Variants in CNTNAP2 observed in about 807,000 individuals in gnomAD.
CNTNAP2 encodes contactin associated protein 2.
A neutral mutation model predicts 155.2 loss-of-function variants in CNTNAP2; 98 were observed. The observed-to-expected ratio is 0.63, with a 90% confidence interval of 0.54 to 0.75. The LOEUF is 0.75. CNTNAP2 is among the 30% of genes least tolerant of loss of function. CNTNAP2 has a pLI of 0.00. For synonymous variants in CNTNAP2, 651 were observed against 631.2 expected, an observed-to-expected ratio of 1.03 and a Z score of -0.47; for missense variants, 1,727 against 1,688.1, an observed-to-expected ratio of 1.02 and a Z score of -0.40.
At chr7:147,101,874 A>G (rs1017936917) in intron 4 of CNTNAP2, among the ~76,000 whole-genome samples, 2 of 152,164 alleles carry the variant, frequency 1.3e-5, no homozygotes, top group East Asian at 1.9e-4. Flanking sequence ...ACGGCAGGCC[A>G]GGGTGGTTTT....
chr7:146,761,822 C>A (rs556575586), intron 1 of CNTNAP2, among the ~76,000 whole-genome samples: 1 of 129,152 alleles, frequency 7.7e-6, no homozygotes, highest in East Asian at 2.1e-4. Context: ...GAAGGGGATA[C>A]AACTTCTTTA....
chr7:148,411,360 G>A (rs1799833537), intron 23 of CNTNAP2, among the ~76,000 whole-genome samples: 2 of 152,100 alleles, frequency 1.3e-5, no homozygotes, highest in Admixed American at 6.5e-5. Flanking sequence ...CTGCCTCCCG[G>A]GTTCAAGCGA....
intron 7 of CNTNAP2, among the ~76,000 whole-genome samples, chr7:147,131,210 A>ACATATACATATACCATACACATGTATAC (rs1801350474): frequency 6.6e-6 from 1 of 151,136 alleles, no homozygotes; most frequent in African/African-American, 2.4e-5. Flanking sequence ...TATACCATAT[A>ACATATACATATACCATACACATGTATAC]CATATACATA....
chr7:148,223,071 C>A (rs1345818109), intron 19 of CNTNAP2, among the ~76,000 whole-genome samples: 1 of 152,202 alleles, frequency 6.6e-6, no homozygotes, highest in Non-Finnish European at 1.5e-5. Flanking sequence ...AACCCCTACT[C>A]TTCGTTTTGA....
chr7:146,989,745 A>G lies in CNTNAP2; in HGVS notation c.403-54162A>G, dbSNP rs139919725. On this transcript the variant is annotated intron_variant, in intron 3 of 23. Coordinates refer to ENST00000361727, the MANE Select transcript of CNTNAP2 (RefSeq NM_014141.6). ...CCATCGCATTTTTCAACCTCATGAA[A>G]TGCTTCCATGAGCCCATAATTAGCC... Among the ~76,000 whole-genome samples the G allele has an allele frequency of 6.3e-3, 960 of 152,210 alleles. 10 individuals carry two copies. Among genetic ancestry groups the G allele is most frequent in the African/African-American group, 0.021 (873 of 41,556 alleles).
At chr7:146,762,039 C>CATT (rs1563220389) in intron 1 of CNTNAP2, among the ~76,000 whole-genome samples, 1 of 152,068 alleles carries the variant, frequency 6.6e-6, no homozygotes, top group Non-Finnish European at 1.5e-5. Context: ...TAGATCCTTA[C>CATT]ATTGTTTAAG....
At chr7:147,550,272 A>C (rs1799826683) in intron 11 of CNTNAP2, among the ~76,000 whole-genome samples, 1 of 152,186 alleles carries the variant, frequency 6.6e-6, no homozygotes. Context: ...TTAAATTGTA[A>C]TAATCCCCAT....
intron 11 of CNTNAP2, among the ~76,000 whole-genome samples, chr7:147,501,145 CA>C (rs1798804014): frequency 6.6e-6 from 1 of 151,786 alleles, no homozygotes; most frequent in African/African-American, 2.4e-5. Context: ...ATGATCATTT[CA>C]ACAGACACAG....
rs951228869 is a variant in CNTNAP2, at chr7:147,888,523, G to A, written c.2099-15042G>A. On this transcript the variant is annotated intron_variant, in intron 13 of 23. Transcript: ENST00000361727. ...GTGAAAGAAGAGATAAGAGTGGTGAGGCCTTATTTTGGTGAATGATGGCTA... is the reference window on the plus strand; with the variant it reads ...GTGAAAGAAGAGATAAGAGTGGTGAAGCCTTATTTTGGTGAATGATGGCTA... 4.0e-4 allele frequency among the ~76,000 whole-genome samples: 61 copies of A among 151,746 alleles called. 1 individual carries two copies. The highest frequency in any genetic ancestry group is 3.0e-3 in the Admixed American group (45 of 15,222).
intron 1 of CNTNAP2, among the ~76,000 whole-genome samples, chr7:146,303,643 A>T (rs1800654511): frequency 6.6e-6 from 1 of 152,230 alleles, no homozygotes; most frequent in Non-Finnish European, 1.5e-5. Context: ...ACAGTTTGTT[A>T]TAATTTCTGT....
intron 20 of CNTNAP2, among the ~76,000 whole-genome samples, chr7:148,240,441 G>T (rs758275522): frequency 6.6e-6 from 1 of 152,294 alleles, no homozygotes; most frequent in Middle Eastern, 3.4e-3. Context: ...GCAGTTTGGG[G>T]TGGTGATAAG....
At chr7:148,206,273 T>C (rs1292186300) in intron 18 of CNTNAP2, among the ~76,000 whole-genome samples, 1 of 147,804 alleles carries the variant, frequency 6.8e-6, no homozygotes, top group Non-Finnish European at 1.5e-5. Flanking sequence ...TATAATATAA[T>C]GTTAAATATA....
chr7:148,087,132 C>T (rs1803749055), intron 15 of CNTNAP2, among the ~76,000 whole-genome samples: 1 of 152,110 alleles, frequency 6.6e-6, no homozygotes, highest in Admixed American at 6.6e-5. Flanking sequence ...TTTTTGAGAT[C>T]ACCATTGATT....
At chr7:148,135,869 G>C (rs900036516) in intron 16 of CNTNAP2, among the ~76,000 whole-genome samples, 1 of 129,600 alleles carries the variant, frequency 7.7e-6, no homozygotes, top group African/African-American at 3.0e-5. Context: ...GGGAGGGGAG[G>C]GGGGGAAGGG....
intron 1 of CNTNAP2, among the ~76,000 whole-genome samples, chr7:146,269,818 T>C (rs1164132185): frequency 6.6e-6 from 1 of 152,230 alleles, no homozygotes; most frequent in African/African-American, 2.4e-5. Flanking sequence ...GCATGGCCAA[T>C]TGGCTTCATA....
chr7:147,115,344 C>T (rs1422814204), intron 5 of CNTNAP2, among the ~76,000 whole-genome samples: 3 of 152,166 alleles, frequency 2.0e-5, no homozygotes, highest in Non-Finnish European at 4.4e-5. Flanking sequence ...CTCTGCATTT[C>T]CTGAATTTGA....
intron 3 of CNTNAP2, among the ~76,000 whole-genome samples, chr7:146,844,857 A>C (rs1314263232): frequency 6.6e-6 from 1 of 152,170 alleles, no homozygotes; most frequent in Non-Finnish European, 1.5e-5. Context: ...CCATTTTGTT[A>C]ATTTTAAGTA....
At chr7:146,296,731 A>G (rs1295601733) in intron 1 of CNTNAP2, among the ~76,000 whole-genome samples, 2 of 148,250 alleles carry the variant, frequency 1.3e-5, no homozygotes, top group Admixed American at 1.3e-4. Flanking sequence ...TTTAGTATAA[A>G]TAACACAGTT....
At chr7:146,299,422 T>C (rs1800568499) in intron 1 of CNTNAP2, among the ~76,000 whole-genome samples, 1 of 152,068 alleles carries the variant, frequency 6.6e-6, no homozygotes, top group Non-Finnish European at 1.5e-5. Context: ...TATTTTAGAG[T>C]TGGAGTCACG....
Sources: gnomAD v4.1 joint callset for allele counts (sites outside exome capture counted in the v4.1 genomes callset) on GRCh38, gnomAD v4.1.1 for gene constraint, MANE v1.5 for transcripts, NCBI Gene and HGNC (gene_info 2026-07-23, HGNC 2026-07-21) for gene names.